LRFN5: variants seen among roughly 807,000 people sequenced by gnomAD.
LRFN5 encodes leucine-rich repeat and fibronectin type-III domain-containing protein 5.
LRFN5 carries 24 observed loss-of-function variants against 45.6 expected under a neutral mutation model. The ratio of observed to expected loss-of-function variants is 0.53; its 90% CI spans 0.38 to 0.74. The LOEUF (loss-of-function observed/expected upper bound fraction) is 0.74, where lower values mean the gene tolerates loss of function less well. Ranked by LOEUF, LRFN5 falls within the 30% of genes least tolerant of loss-of-function variation. The probability of loss-of-function intolerance (pLI) is 0.00; values close to 1 mark genes in which losing one functional copy is unlikely to be tolerated. For missense variants in LRFN5, 776 were observed against 861.5 expected (o/e 0.90, Z 1.24); for synonymous variants, 340 against 313.8 (o/e 1.08, Z -0.88).
intron 5 of LRFN5, among the ~76,000 whole-genome samples, chr14:41,902,010 C>T (rs1891115580): frequency 2.0e-5 from 3 of 151,834 alleles, no homozygotes; most frequent in Admixed American, 1.3e-4. Flanking sequence ...CAGCAATGAC[C>T]TTTAGAAATC....
chr14:41,726,558 C>A (rs989494638), intron 1 of LRFN5, among the ~76,000 whole-genome samples: 3 of 152,074 alleles, frequency 2.0e-5, no homozygotes, highest in Non-Finnish European at 4.4e-5. Flanking sequence ...CCTCTGAAAA[C>A]CCATATGAAC....
chr14:41,665,542 T>G (rs1204231958), intron 1 of LRFN5, among the ~76,000 whole-genome samples: 1 of 151,932 alleles, frequency 6.6e-6, no homozygotes, highest in African/African-American at 2.4e-5. Flanking sequence ...GAAATTATAA[T>G]TATCATAGTT....
chr14:41,715,377 G>A (rs1299319959), intron 1 of LRFN5, among the ~76,000 whole-genome samples: 3 of 152,100 alleles, frequency 2.0e-5, no homozygotes, highest in Non-Finnish European at 4.4e-5. Context: ...GTTTCAATTA[G>A]GTTAACAATG....
chr14:41,896,712 G>T (rs1463580985), intron 4 of LRFN5, among the ~76,000 whole-genome samples: 5 of 151,992 alleles, frequency 3.3e-5, no homozygotes, highest in Non-Finnish European at 7.4e-5. Context: ...AAATTAGTTT[G>T]TTCACATCTT....
At chr14:41,693,947 A>T (rs1003365282) in intron 1 of LRFN5, among the ~76,000 whole-genome samples, 2 of 151,924 alleles carry the variant, frequency 1.3e-5, no homozygotes. Context: ...ATTTTCTATA[A>T]ATAGTAGTTG....
intron 1 of LRFN5, among the ~76,000 whole-genome samples, chr14:41,688,045 A>T (rs1350667189): frequency 6.6e-6 from 1 of 152,218 alleles, no homozygotes; most frequent in Non-Finnish European, 1.5e-5. Flanking sequence ...TTATTATGTT[A>T]AGTGTGGTAA....
chr14:41,856,678 T>TTTTTTTA (rs1566486508), intron 2 of LRFN5, among the ~76,000 whole-genome samples: 89 of 3,752 alleles, frequency 0.024, 5 homozygotes, highest in African/African-American at 0.038. Context: ...TATTATTATT[T>TTTTTTTA]TTTTTTTTTT....
At chr14:41,858,688 C>G (rs756647550) in intron 2 of LRFN5, among the ~76,000 whole-genome samples, 1 of 152,120 alleles carries the variant, frequency 6.6e-6, no homozygotes, top group Non-Finnish European at 1.5e-5. Context: ...CAGAGTACTC[C>G]AAAGAAACTC....
chr14:41,841,604 C>T lies in LRFN5; in HGVS notation c.-20-45002C>T, dbSNP rs75460236. ...GCATGAGTGTATCAGAATTTCTTGA[C>T]GAATCCTCTTCTTGATGGTCTCACA... On this transcript the variant is annotated intron_variant, in intron 2 of 5. Transcript: ENST00000298119. 3.1e-3 allele frequency among the ~76,000 whole-genome samples: 471 copies of T among 151,846 alleles called. 3 individuals carry two copies. Among genetic ancestry groups the T allele is most frequent in the Middle Eastern group, 0.014 (4 of 294 alleles).
At chr14:41,643,665 T>G (rs186614997) in intron 1 of LRFN5, among the ~76,000 whole-genome samples, 1 of 151,906 alleles carries the variant, frequency 6.6e-6, no homozygotes, top group East Asian at 1.9e-4. Flanking sequence ...GCACAATCTC[T>G]CCCCACTGGC....
intron 1 of LRFN5, among the ~76,000 whole-genome samples, chr14:41,642,604 A>G (rs894084343): frequency 6.6e-6 from 1 of 152,192 alleles, no homozygotes; most frequent in Non-Finnish European, 1.5e-5. Context: ...GACATGGATT[A>G]TCATGAAGAA....
At chr14:41,893,891 A>G (rs1321328936) in intron 4 of LRFN5, 3 of 985,306 alleles carry the variant, frequency 3.0e-6, no homozygotes, top group Middle Eastern at 5.2e-4. Context: ...TATTTCGTGT[A>G]AGGAATAGAT....
chr14:41,704,591 T>C (rs1434161934), intron 1 of LRFN5, among the ~76,000 whole-genome samples: 1 of 151,818 alleles, frequency 6.6e-6, no homozygotes, highest in Non-Finnish European at 1.5e-5. Flanking sequence ...CCCAAGCGGG[T>C]GGAACTACAG....
At chr14:41,732,638 A>C (rs189874292) in intron 1 of LRFN5, among the ~76,000 whole-genome samples, 1 of 152,250 alleles carries the variant, frequency 6.6e-6, no homozygotes, top group Admixed American at 6.5e-5. Context: ...GAAAGGGATA[A>C]TCTAATATTC....
intron 2 of LRFN5, among the ~76,000 whole-genome samples, chr14:41,864,074 G>A (rs919859735): frequency 6.6e-6 from 1 of 152,136 alleles, no homozygotes; most frequent in Admixed American, 6.5e-5. Flanking sequence ...GTCTGTCATT[G>A]ATGGGCATTT....
intron 1 of LRFN5, among the ~76,000 whole-genome samples, chr14:41,648,525 G>A (rs1023698118): frequency 2.0e-5 from 3 of 151,924 alleles, no homozygotes; most frequent in African/African-American, 4.8e-5. Context: ...TGGCTGTGTC[G>A]TCAAAATACC....
intron 2 of LRFN5, among the ~76,000 whole-genome samples, chr14:41,825,409 G>A (rs1489883692): frequency 1.3e-5 from 2 of 152,216 alleles, no homozygotes; most frequent in Non-Finnish European, 2.9e-5. Context: ...GCTGGAAGGA[G>A]AACAGTCACC....
chr14:41,888,627 G>A (rs1566506934), intron 3 of LRFN5, among the ~76,000 whole-genome samples: 1 of 152,052 alleles, frequency 6.6e-6, no homozygotes, highest in Non-Finnish European at 1.5e-5. Flanking sequence ...TGATTAAGGG[G>A]TATGTGTGCG....
intron 2 of LRFN5, among the ~76,000 whole-genome samples, chr14:41,880,326 T>C (rs1376148379): frequency 6.6e-6 from 1 of 152,068 alleles, no homozygotes; most frequent in East Asian, 1.9e-4. Flanking sequence ...AATAGTCTCA[T>C]TTCTTCTATT....
Sources: gnomAD v4.1 joint callset for allele counts (sites outside exome capture counted in the v4.1 genomes callset) on GRCh38, gnomAD v4.1.1 for gene constraint, MANE v1.5 for transcripts, NCBI Gene and HGNC (gene_info 2026-07-23, HGNC 2026-07-21) for gene names.